Variants in CRTC3 observed in about 807,000 individuals in gnomAD.
CRTC3 encodes the protein CREB regulated transcription coactivator 3.
CRTC3 carries 26 observed loss-of-function variants against 74.5 expected under a neutral mutation model. The observed-to-expected ratio is 0.35, with a 90% CI of 0.26 to 0.48. CRTC3 has a LOEUF of 0.48. Ranked by LOEUF, CRTC3 falls within the 20% of genes least tolerant of loss-of-function variation. CRTC3 has a pLI of 0.99. For missense variants in CRTC3, 760 were observed against 787.3 expected (o/e 0.97, Z 0.41); for synonymous variants, 377 against 325.8 (o/e 1.16, Z -1.69).
chr15:90,618,494 C>T (rs930552064), intron 8 of CRTC3, among the ~76,000 whole-genome samples: 4 of 152,214 alleles, frequency 2.6e-5, no homozygotes, highest in South Asian at 2.1e-4. Flanking sequence ...ACCTCCACCT[C>T]GGCTCTCTAA....
chr15:90,567,899 C>T (rs1017838239), intron 2 of CRTC3, among the ~76,000 whole-genome samples: 1 of 152,140 alleles, frequency 6.6e-6, no homozygotes, highest in Non-Finnish European at 1.5e-5. Context: ...ATATAGCTGT[C>T]ATAGATAGTG....
chr15:90,556,987 T>TATATATAC (rs1555447334), intron 2 of CRTC3, among the ~76,000 whole-genome samples: 4 of 144,404 alleles, frequency 2.8e-5, no homozygotes, highest in South Asian at 2.3e-4. Flanking sequence ...TATATATATA[T>TATATATAC]ATATATATAT....
intron 3 of CRTC3, chr15:90,594,610 C>T (rs1967876942): frequency 6.6e-6 from 1 of 152,166 alleles, no homozygotes. Context: ...AGCCTAGAAA[C>T]CAGGAAGTGG....
At chr15:90,611,749 T>C (rs2151085565) in intron 6 of CRTC3, among the ~76,000 whole-genome samples, 1 of 152,270 alleles carries the variant, frequency 6.6e-6, no homozygotes, top group East Asian at 1.9e-4. Flanking sequence ...TCCTACTTGG[T>C]TCCTGTTTGC....
At chr15:90,579,739 T>C (rs8025115) in intron 2 of CRTC3, among the ~76,000 whole-genome samples, 19,774 of 150,302 alleles carry the variant, frequency 0.13, 1,736 homozygotes, top group African/African-American at 0.25. Flanking sequence ...CCTCCTGGGT[T>C]TAAGCAATTC....
intron 6 of CRTC3, among the ~76,000 whole-genome samples, chr15:90,610,399 C>G (rs924236642): frequency 6.6e-5 from 10 of 152,066 alleles, no homozygotes; most frequent in African/African-American, 2.4e-4. Flanking sequence ...TGCTGTGAGC[C>G]CATGAGGAGA....
intron 1 of CRTC3, among the ~76,000 whole-genome samples, chr15:90,532,557 G>C (rs754483748): frequency 7.9e-5 from 12 of 152,350 alleles, no homozygotes; most frequent in African/African-American, 2.4e-4. Context: ...CTCTGAGCCT[G>C]TGTTGGGATT....
At chr15:90,592,556 C>A (rs571785196) in intron 2 of CRTC3, among the ~76,000 whole-genome samples, 3 of 152,272 alleles carry the variant, frequency 2.0e-5, no homozygotes, top group African/African-American at 4.8e-5. Flanking sequence ...TAAGAACGTA[C>A]CCCAAGCATC....
At chr15:90,579,635 T>C (rs201089066) in intron 2 of CRTC3, among the ~76,000 whole-genome samples, 4 of 79,688 alleles carry the variant, frequency 5.0e-5, no homozygotes, top group East Asian at 9.7e-4. Context: ...CGTATTTCAC[T>C]TTTTTTTTTT....
At chr15:90,630,561 C>T (rs1250228482) in intron 11 of CRTC3, among the ~76,000 whole-genome samples, 1 of 152,026 alleles carries the variant, frequency 6.6e-6, no homozygotes, top group African/African-American at 2.4e-5. Context: ...CTGCAGTGAG[C>T]CAAGATAGCC....
chr15:90,557,061 A>G (rs1282174770), intron 2 of CRTC3, among the ~76,000 whole-genome samples: 10 of 151,526 alleles, frequency 6.6e-5, no homozygotes, highest in East Asian at 1.9e-4. Context: ...GCTTCTACAG[A>G]TGTTTGCCCC....
chr15:90,601,932 C>A (rs1235465916), intron 3 of CRTC3, among the ~76,000 whole-genome samples: 1 of 152,180 alleles, frequency 6.6e-6, no homozygotes, highest in East Asian at 1.9e-4. Flanking sequence ...CTGTTTGCGT[C>A]GTGAGCCGAT....
chr15:90,551,946 A>G lies in CRTC3; in HGVS notation c.231+11809A>G, dbSNP rs1232332330. Among the ~76,000 whole-genome samples the G allele has an allele frequency of 2.6e-4, 17 of 66,352 alleles. No individual in the cohort carries two copies. The East Asian group carries it at 4.4e-3, about 17-fold the overall frequency. 43.5% of individuals were successfully genotyped at this position (66,352 alleles called of 152,430 possible). ...TACACACACGCACACACACACACGC[A>G]CACACACACACACACACACACAAAT... On this transcript the variant is annotated intron_variant, in intron 2 of 14. Transcript: ENST00000268184.
At chr15:90,611,934 C>T (rs953251904) in intron 6 of CRTC3, among the ~76,000 whole-genome samples, 27 of 152,046 alleles carry the variant, frequency 1.8e-4, no homozygotes, top group African/African-American at 6.0e-4. Flanking sequence ...CAGCCTGCTT[C>T]GGTCCAGCCC....
At chr15:90,599,155 T>A (rs796584250) in intron 3 of CRTC3, 84 of 152,236 alleles carry the variant, frequency 5.5e-4, no homozygotes, top group African/African-American at 2.0e-3. Flanking sequence ...AATTTTTGTT[T>A]CCATCCATTG....
chr15:90,553,892 C>G (rs1042878956), intron 2 of CRTC3, among the ~76,000 whole-genome samples: 2 of 152,172 alleles, frequency 1.3e-5, no homozygotes, highest in South Asian at 4.1e-4. Context: ...AAAAGAAATA[C>G]GACAAGTACT....
intron 1 of CRTC3, among the ~76,000 whole-genome samples, chr15:90,537,093 A>C (rs917910168): frequency 6.6e-6 from 1 of 152,208 alleles, no homozygotes; most frequent in Non-Finnish European, 1.5e-5. Flanking sequence ...TTTGGTTCAC[A>C]TGTTCATCAT....
intron 2 of CRTC3, among the ~76,000 whole-genome samples, chr15:90,591,205 C>T (rs548100321): frequency 1.3e-5 from 2 of 151,402 alleles, no homozygotes; most frequent in East Asian, 2.0e-4. Flanking sequence ...CTCAAGTGGT[C>T]CTCCCACCTC....
chr15:90,580,816 A>G (rs2151073202), intron 2 of CRTC3, among the ~76,000 whole-genome samples: 1 of 152,228 alleles, frequency 6.6e-6, no homozygotes, highest in South Asian at 2.1e-4. Flanking sequence ...GCTTTAACTG[A>G]GATTAAATGG....
Sources: gnomAD v4.1 joint callset for allele counts (sites outside exome capture counted in the v4.1 genomes callset) on GRCh38, gnomAD v4.1.1 for gene constraint, MANE v1.5 for transcripts, NCBI Gene and HGNC (gene_info 2026-07-23, HGNC 2026-07-21) for gene names.